The following FOXP2 variants were observed in gnomAD, a reference collection of about 807,000 sequenced individuals.
The protein encoded by FOXP2 is forkhead box protein P2.
A neutral mutation model predicts 115.8 loss-of-function variants in FOXP2; 12 were observed. The ratio of observed to expected loss-of-function variants is 0.10; its 90% CI spans 0.07 to 0.17. The LOEUF (loss-of-function observed/expected upper bound fraction) is 0.17. FOXP2 is among the 10% of genes least tolerant of loss of function. FOXP2 has a pLI of 1.00. For missense variants in FOXP2, 629 were observed against 843.5 expected (o/e 0.75, Z 3.15); for synonymous variants, 328 against 297.7 (o/e 1.10, Z -1.05).
chr7:114,183,258 A>T (rs1271712350), intron 1 of FOXP2, among the ~76,000 whole-genome samples: 1 of 152,142 alleles, frequency 6.6e-6, no homozygotes, highest in Admixed American at 6.6e-5. Context: ...TGACATTCTT[A>T]TTTCTCTTTT....
chr7:114,102,696 C>CCA (rs10624558), intron 1 of FOXP2, among the ~76,000 whole-genome samples: 44,631 of 136,132 alleles, frequency 0.33, 6,890 homozygotes, highest in East Asian at 0.51. Flanking sequence ...ACACCACACA[C>CCA]CACACACACA....
chr7:114,159,721 CTATTGT>C (rs1317307384), upstream of FOXP2, among the ~76,000 whole-genome samples: 1 of 152,048 alleles, frequency 6.6e-6, no homozygotes, highest in Non-Finnish European at 1.5e-5. Context: ...TCAGTGCTAG[CTATTGT>C]AGGAGCCAAA....
chr7:114,500,084 G>T (rs901735441), intron 2 of FOXP2, among the ~76,000 whole-genome samples: 7 of 151,818 alleles, frequency 4.6e-5, no homozygotes, highest in East Asian at 1.9e-4. Context: ...GCTTGGTGGC[G>T]GGCGCCTTGT....
intron 2 of FOXP2, among the ~76,000 whole-genome samples, chr7:114,484,521 A>G (rs1796690146): frequency 6.6e-6 from 1 of 151,946 alleles, no homozygotes; most frequent in Admixed American, 6.6e-5. Flanking sequence ...ACTGTAGTGT[A>G]TTCGGTATGT....
intron 2 of FOXP2, among the ~76,000 whole-genome samples, chr7:114,317,129 T>C (rs944580549): frequency 6.6e-6 from 1 of 152,154 alleles, no homozygotes; most frequent in Non-Finnish European, 1.5e-5. Flanking sequence ...GTTTTGTTAC[T>C]CCCTCCACCC....
intron 1 of FOXP2, among the ~76,000 whole-genome samples, chr7:114,103,917 T>C (rs1791048897): frequency 6.6e-6 from 1 of 152,064 alleles, no homozygotes; most frequent in Non-Finnish European, 1.5e-5. Context: ...TTGAATTTTC[T>C]TTGACTAAAT....
At position 114,663,528 on chromosome 7, in the gene FOXP2, C is replaced by T. The variant is rs370510032; in HGVS notation, c.1839+9C>T. On this transcript the variant is annotated intron_variant, in intron 15 of 16. Coordinates refer to ENST00000350908, the MANE Select transcript of FOXP2 (RefSeq NM_014491.4). ...TTAATGCCAGTTTGCAGGTAATGTA[C>T]TTTCCCAGTTTTGTTGTATTTGAAT... 11 of 1,575,282 alleles carry T rather than the reference C, an allele frequency of 7.0e-6. No individual in the cohort carries two copies. Among genetic ancestry groups the T allele is most frequent in the Non-Finnish European group, 8.7e-6 (10 of 1,152,662 alleles).
chr7:114,170,577 T>G (rs1404281047), intron 1 of FOXP2, among the ~76,000 whole-genome samples: 2 of 152,238 alleles, frequency 1.3e-5, no homozygotes, highest in East Asian at 3.8e-4. Flanking sequence ...AAAGTGCTAC[T>G]TTAGTGAACA....
chr7:114,477,960 A>T (rs950072319), intron 2 of FOXP2, among the ~76,000 whole-genome samples: 3 of 151,858 alleles, frequency 2.0e-5, no homozygotes, highest in Non-Finnish European at 2.9e-5. Flanking sequence ...AAAGTTCTAC[A>T]AAAACTTCTG....
chr7:114,397,348 G>C (rs1289038840), intron 2 of FOXP2, among the ~76,000 whole-genome samples: 2 of 152,096 alleles, frequency 1.3e-5, no homozygotes, highest in Non-Finnish European at 2.9e-5. Flanking sequence ...GAACAAGACA[G>C]ATATGTTTCC....
At chr7:114,507,155 A>AC (rs991859033) in intron 2 of FOXP2, among the ~76,000 whole-genome samples, 36 of 150,654 alleles carry the variant, frequency 2.4e-4, no homozygotes, top group African/African-American at 7.1e-4. Flanking sequence ...TCTTACCCCT[A>AC]CCCCCCCCAA....
chr7:114,525,002 A>G (rs1420738188), intron 2 of FOXP2, among the ~76,000 whole-genome samples: 2 of 152,180 alleles, frequency 1.3e-5, no homozygotes, highest in Non-Finnish European at 1.5e-5. Flanking sequence ...TCAAAATATC[A>G]TAGAACATGA....
At chr7:114,341,099 T>C (rs1357383519) in intron 2 of FOXP2, among the ~76,000 whole-genome samples, 1 of 151,254 alleles carries the variant, frequency 6.6e-6, no homozygotes, top group Non-Finnish European at 1.5e-5. Flanking sequence ...CACTGAATAA[T>C]CGCATACCAC....
intron 13 of FOXP2, among the ~76,000 whole-genome samples, chr7:114,660,746 T>C (rs979119724): frequency 6.6e-6 from 1 of 152,084 alleles, no homozygotes; most frequent in Admixed American, 6.6e-5. Context: ...TAAGTAATAT[T>C]TATGTTGAAG....
intron 2 of FOXP2, among the ~76,000 whole-genome samples, chr7:114,437,601 A>G (rs373596181): frequency 6.1e-4 from 93 of 152,136 alleles, no homozygotes; most frequent in African/African-American, 2.1e-3. Flanking sequence ...AGAGTGTTAC[A>G]CATGTAAGTG....
chr7:114,440,980 T>G (rs948547420), intron 2 of FOXP2, among the ~76,000 whole-genome samples: 5 of 152,174 alleles, frequency 3.3e-5, no homozygotes, highest in African/African-American at 1.2e-4. Flanking sequence ...AAATGTAACC[T>G]TTGCTATTGA....
intron 1 of FOXP2, among the ~76,000 whole-genome samples, chr7:114,104,068 G>C (rs1353767195): frequency 6.6e-6 from 1 of 151,570 alleles, no homozygotes; most frequent in Non-Finnish European, 1.5e-5. Flanking sequence ...TTTTTGGTTC[G>C]TAGGTCTAGG....
intron 2 of FOXP2, among the ~76,000 whole-genome samples, chr7:114,446,240 G>C (rs968513996): frequency 1.3e-4 from 19 of 151,860 alleles, no homozygotes; most frequent in Admixed American, 3.3e-4. Flanking sequence ...TAGGAATGTC[G>C]TTATATCATC....
intron 3 of FOXP2, among the ~76,000 whole-genome samples, chr7:114,553,578 AAG>A (rs1368524505): frequency 6.6e-6 from 1 of 152,156 alleles, no homozygotes; most frequent in Middle Eastern, 3.2e-3. Flanking sequence ...TAGAAGATTA[AAG>A]AGAGACAGTT....
Sources: allele counts gnomAD v4.1 joint callset (sites outside exome capture counted in the v4.1 genomes callset), GRCh38; gene constraint gnomAD v4.1.1; transcripts MANE v1.5; gene names NCBI Gene and HGNC (gene_info 2026-07-23, HGNC 2026-07-21).